The following DDR2 variants were observed in gnomAD, a reference collection of about 807,000 sequenced individuals.
The protein encoded by DDR2 is discoidin domain receptor tyrosine kinase 2.
Under a neutral mutation model 94.9 loss-of-function variants are expected in DDR2, and 27 were observed. The ratio of observed to expected loss-of-function variants is 0.28; its 90% CI spans 0.21 to 0.39. DDR2 has a LOEUF of 0.39. DDR2 is among the 10% of genes least tolerant of loss of function. DDR2 has a pLI of 1.00. For missense variants in DDR2, 783 were observed against 1,076.0 expected (o/e 0.73, Z 3.81); for synonymous variants, 382 against 377.2 (o/e 1.01, Z -0.15).
In DDR2 at chr1:162,783,782, AC is replaced by A. The variant is rs1358656607; in HGVS notation, c.*3538del. ...AAGATATAGCAACCATCGGGGAATG[AC>A]CTTTTCATTTCAGAAGTGGATGAGG... On this transcript the variant is annotated 3_prime_UTR_variant, in exon 18 of 18. Coordinates refer to ENST00000367921, the MANE Select transcript of DDR2 (RefSeq NM_006182.4). 1 of 152,204 alleles carries A rather than the reference AC, an allele frequency of 6.6e-6. No homozygotes were observed. Among genetic ancestry groups the A allele is most frequent in the Non-Finnish European group, 1.5e-5 (1 of 68,044 alleles). 9.4% of individuals were successfully genotyped at this position (152,204 alleles called of 1,614,324 possible).
At chr1:162,719,218 G>C in intron 3 of DDR2, 73 bp downstream of exon 3, 1 of 1,609,368 alleles carries the variant, frequency 6.2e-7, no homozygotes, top group South Asian at 1.1e-5. Context: ...TTCAATGGTG[G>C]GTCTAAAAGC....
intron 1 of DDR2, among the ~76,000 whole-genome samples, chr1:162,642,944 T>C (rs1657213315): frequency 6.6e-6 from 1 of 152,204 alleles, no homozygotes; most frequent in South Asian, 2.1e-4. Flanking sequence ...TAGCCATTTA[T>C]TACCAAAGGG....
intron 3 of DDR2, among the ~76,000 whole-genome samples, chr1:162,736,531 A>G (rs1206837011): frequency 6.6e-6 from 1 of 152,350 alleles, no homozygotes; most frequent in Admixed American, 6.5e-5. Flanking sequence ...AGTGGGAAAC[A>G]TGAAATATTG....
rs879124031 is a variant in DDR2 at position 162,786,961 on chromosome 1, C to G, written c.*6715C>G. 1 of 152,196 alleles carries G rather than the reference C, an allele frequency of 6.6e-6. No homozygotes were observed. Among genetic ancestry groups the G allele is most frequent in the Non-Finnish European group, 1.5e-5 (1 of 68,034 alleles). The allele number at this position is 152,196 out of a possible 1,614,324, so 9.4% of individuals were successfully genotyped here. A position where few individuals can be genotyped will look rare whatever the true frequency, so the allele number is the denominator to read the frequency against. The stretch of plus-strand genomic sequence containing the variant: ...AAATCCAAATATAGTCTGTCTCAGA[C>G]TACCTGCACATGCACAAACCAAAAA... On this transcript the variant is annotated 3_prime_UTR_variant, in exon 18 of 18. Coordinates refer to ENST00000367921, the MANE Select transcript of DDR2 (RefSeq NM_006182.4).
intron 3 of DDR2, among the ~76,000 whole-genome samples, chr1:162,750,226 T>C (rs1663113960): frequency 6.6e-6 from 1 of 152,174 alleles, no homozygotes; most frequent in Admixed American, 6.5e-5. Context: ...GATGACATGA[T>C]TGTATATTTA....
At chr1:162,672,598 A>C (rs903548510) in intron 2 of DDR2, among the ~76,000 whole-genome samples, 1 of 152,146 alleles carries the variant, frequency 6.6e-6, no homozygotes, top group Non-Finnish European at 1.5e-5. Context: ...ATACATATAG[A>C]TTCATGTATA....
chr1:162,688,085 A>G (rs1659775988), intron 2 of DDR2, among the ~76,000 whole-genome samples: 1 of 152,214 alleles, frequency 6.6e-6, no homozygotes, highest in Admixed American at 6.5e-5. Flanking sequence ...GGATGAGAGC[A>G]GTTGAAAGAG....
intron 3 of DDR2, among the ~76,000 whole-genome samples, chr1:162,735,115 G>A (rs78031742): frequency 3.9e-5 from 6 of 152,188 alleles, no homozygotes; most frequent in South Asian, 2.1e-4. Flanking sequence ...CTTGACTGCC[G>A]CCTGTTGAGA....
intron 2 of DDR2, among the ~76,000 whole-genome samples, chr1:162,661,495 T>G (rs1033008007): frequency 6.6e-6 from 1 of 152,166 alleles, no homozygotes; most frequent in Non-Finnish European, 1.5e-5. Context: ...ACCTGTCTCT[T>G]ATTTGGGTTT....
chr1:162,645,714 A>C (rs1657374864), intron 1 of DDR2, among the ~76,000 whole-genome samples: 1 of 152,208 alleles, frequency 6.6e-6, no homozygotes, highest in Admixed American at 6.5e-5. Flanking sequence ...TAAGTTCAGG[A>C]AAATAAGATC....
intron 11 of DDR2, 27 bp from the exon 12 acceptor site, chr1:162,770,275 G>A: frequency 2.5e-6 from 4 of 1,611,162 alleles, no homozygotes; most frequent in Non-Finnish European, 3.4e-6. Flanking sequence ...GTGCCAACAT[G>A]CCTTTCTCCT....
chr1:162,631,376 CAGAGA>C, upstream of DDR2: 1 of 152,280 alleles, frequency 6.6e-6, no homozygotes, highest in African/African-American at 2.4e-5. Context: ...TAACTACAAA[CAGAGA>C]AGAGCTGGTG....
intron 1 of DDR2, among the ~76,000 whole-genome samples, chr1:162,652,074 A>G (rs772702784): frequency 7.2e-5 from 11 of 152,222 alleles, no homozygotes; most frequent in Non-Finnish European, 1.6e-4. Context: ...CATAAGACAG[A>G]CTTGGTTTGG....
chr1:162,719,647 T>G (rs182035760), intron 3 of DDR2, among the ~76,000 whole-genome samples: 20 of 152,336 alleles, frequency 1.3e-4, no homozygotes, highest in Non-Finnish European at 7.3e-5. Context: ...GAGAATCTTT[T>G]GAGCCCAAAT....
chr1:162,720,894 G>A lies in DDR2; in HGVS notation c.82+1749G>A, dbSNP rs1029467980. 2.6e-5 allele frequency among the ~76,000 whole-genome samples: 4 copies of A among 152,106 alleles called. No homozygotes were observed. The East Asian group carries it at 7.7e-4, about 29-fold the overall frequency. ...TCCTCCCTTCATAAAAGTTCCATGT[G>A]CATGGGTTTTTCTTTATACCTTCAA... On this transcript the variant is annotated intron_variant, in intron 3 of 17. Transcript: ENST00000367921.
intron 2 of DDR2, among the ~76,000 whole-genome samples, chr1:162,656,913 G>A (rs1658014933): frequency 7.9e-6 from 1 of 126,592 alleles, no homozygotes; most frequent in Admixed American, 1.0e-4. Context: ...GTAATCTTGT[G>A]CAATCTTGGC....
intron 17 of DDR2, 143 bp downstream of exon 17, chr1:162,778,872 G>A: frequency 8.7e-7 from 1 of 1,151,802 alleles, no homozygotes; most frequent in South Asian, 1.3e-5. Flanking sequence ...TCCAGATGAT[G>A]TGAAAGACCA....
chr1:162,775,592 C>T (rs2102194741), intron 14 of DDR2, 60 bp from the exon 15 acceptor site: 1 of 1,579,640 alleles, frequency 6.3e-7, no homozygotes, highest in Non-Finnish European at 8.7e-7. Context: ...GTGCATTCTT[C>T]TCTCTCTTGA....
chr1:162,683,528 G>A (rs765065091), intron 2 of DDR2, among the ~76,000 whole-genome samples: 23 of 152,062 alleles, frequency 1.5e-4, no homozygotes, highest in African/African-American at 2.9e-4. Flanking sequence ...TCAATTGTAC[G>A]TCTACATACC....
Sources: allele counts gnomAD v4.1 joint callset (sites outside exome capture counted in the v4.1 genomes callset), GRCh38; gene constraint gnomAD v4.1.1; transcripts MANE v1.5; gene names NCBI Gene and HGNC (gene_info 2026-07-23, HGNC 2026-07-21).